ANKRD30B: variants seen among roughly 807,000 people sequenced by gnomAD.
The protein encoded by ANKRD30B is ankyrin repeat domain-containing protein 30B.
Under a neutral mutation model 202.2 loss-of-function variants are expected in ANKRD30B, and 144 were observed. The ratio of observed to expected loss-of-function variants is 0.71; its 90% confidence interval spans 0.62 to 0.82. The LOEUF (loss-of-function observed/expected upper bound fraction) is 0.82, where lower values mean the gene tolerates loss of function less well. Ranked by LOEUF, ANKRD30B falls within the 40% of genes least tolerant of loss-of-function variation. The probability of loss-of-function intolerance (pLI) is 0.00; values close to 1 mark genes in which losing one functional copy is unlikely to be tolerated. For synonymous variants in ANKRD30B, 508 were observed against 561.3 expected (o/e 0.91, Z 1.34); for missense variants, 1,487 against 1,669.1 (o/e 0.89, Z 1.90).
At position 14,810,691 on chromosome 18, in the gene ANKRD30B, C is replaced by T. The variant is rs1314756872; in HGVS notation, c.2488+511C>T. On this transcript the variant is annotated intron_variant, in intron 28 of 43. Coordinates refer to ENST00000690538, the MANE Select transcript of ANKRD30B (RefSeq NM_001367607.2). The stretch of plus-strand genomic sequence containing the variant: ...CACTACTTGATGACTCTTTGCTAGA[C>T]ACACTGTTTTAGAAGTGTGACTCTA... Among the ~76,000 whole-genome samples the T allele has an allele frequency of 3.9e-4, 59 of 151,124 alleles. 1 individual carries two copies. The highest frequency in any genetic ancestry group is 3.4e-3 in the Middle Eastern group (1 of 292).
At chr18:14,915,666 C>G in the ANKRD30B span, 1 of 151,856 alleles carries the variant, frequency 6.6e-6, no homozygotes, top group South Asian at 2.1e-4. Context: ...TCAAGTCACT[C>G]CTGAGACTCA....
chr18:14,823,722 C>T (rs1374530449), intron 32 of ANKRD30B, among the ~76,000 whole-genome samples: 1 of 152,094 alleles, frequency 6.6e-6, no homozygotes, highest in African/African-American at 2.4e-5. Context: ...GCCTGTAATC[C>T]TAGCATTTTG....
chr18:14,765,979 A>G (rs1916070056), intron 7 of ANKRD30B, among the ~76,000 whole-genome samples: 2 of 152,190 alleles, frequency 1.3e-5, no homozygotes. Flanking sequence ...TTAAGGGGCC[A>G]TGTCTAAGTA....
intron 30 of ANKRD30B, among the ~76,000 whole-genome samples, chr18:14,822,186 C>A (rs535820474): frequency 1.3e-5 from 2 of 149,660 alleles, no homozygotes; most frequent in Non-Finnish European, 3.0e-5. Flanking sequence ...CCTTATATGG[C>A]AGCTTACTCT....
the ANKRD30B span, among the ~76,000 whole-genome samples, chr18:14,914,849 T>C: frequency 1.3e-5 from 2 of 152,144 alleles, no homozygotes; most frequent in African/African-American, 4.8e-5. Flanking sequence ...AGGAGGCCAT[T>C]GGACATAGGG....
chr18:14,882,113 A>T, the ANKRD30B span, among the ~76,000 whole-genome samples: 1 of 152,094 alleles, frequency 6.6e-6, no homozygotes, highest in African/African-American at 2.4e-5. Flanking sequence ...AATTTCATTT[A>T]GTTCTGCTCT....
In ANKRD30B at chr18:14,852,100, G is replaced by C. The variant is rs1467579613; in HGVS notation, c.4156G>C (p.Asp1386His). ...ATTGGTTTCAGAACATGCACAAAGA[G>C]ACCGATGTGAAACACAGTGTCAAAT... ...NALVSEHAQR[D>H]RCETQCQMKK... is the part of the protein sequence containing the mutation. Residue 1386 changes from aspartate (D) to histidine (H), a missense_variant, in exon 42 of 44, where the codon GAC becomes CAC. Coordinates refer to ENST00000690538, the MANE Select transcript of ANKRD30B (RefSeq NM_001367607.2). 4 of 1,608,228 alleles carry C rather than the reference G, an allele frequency of 2.5e-6. No individual in the cohort carries two copies. In the African/African-American group the frequency reaches 4.0e-5, roughly 16 times the overall value.
the ANKRD30B span, among the ~76,000 whole-genome samples, chr18:14,935,412 C>T: frequency 1.3e-5 from 2 of 152,188 alleles, no homozygotes; most frequent in African/African-American, 2.4e-5. Context: ...TACTCCCTGG[C>T]CCTGAGAAGC....
chr18:14,911,549 C>G, the ANKRD30B span, among the ~76,000 whole-genome samples: 2 of 152,128 alleles, frequency 1.3e-5, no homozygotes, highest in Non-Finnish European at 2.9e-5. Context: ...AATTTGAAGT[C>G]AGGTAATGTG....
chr18:14,899,808 A>G, the ANKRD30B span, among the ~76,000 whole-genome samples: 2 of 152,146 alleles, frequency 1.3e-5, no homozygotes, highest in Non-Finnish European at 2.9e-5. Flanking sequence ...AATAACTTAT[A>G]TTTAACTCAT....
chr18:14,892,202 C>CT, the ANKRD30B span, among the ~76,000 whole-genome samples: 1 of 152,198 alleles, frequency 6.6e-6, no homozygotes, highest in African/African-American at 2.4e-5. Context: ...TGCTGATGCA[C>CT]AAGCTTAGAG....
chr18:14,907,955 A>G, the ANKRD30B span, among the ~76,000 whole-genome samples: 1 of 152,200 alleles, frequency 6.6e-6, no homozygotes, highest in Non-Finnish European at 1.5e-5. Flanking sequence ...AATTTGAGAT[A>G]CATTAACAGA....
At chr18:14,765,652 A>T (rs1406667657) in intron 7 of ANKRD30B, among the ~76,000 whole-genome samples, 1 of 152,198 alleles carries the variant, frequency 6.6e-6, no homozygotes, top group East Asian at 1.9e-4. Flanking sequence ...TGTGATACAC[A>T]GTTTGCTGGC....
the ANKRD30B span, among the ~76,000 whole-genome samples, chr18:14,862,446 G>T: frequency 1.3e-5 from 2 of 152,176 alleles, no homozygotes; most frequent in Non-Finnish European, 2.9e-5. Flanking sequence ...ACATTGCAAA[G>T]GATACCACTG....
chr18:14,820,573 G>A (rs1309826792), intron 30 of ANKRD30B, among the ~76,000 whole-genome samples: 1 of 147,706 alleles, frequency 6.8e-6, no homozygotes, highest in African/African-American at 2.7e-5. Context: ...TTAGCATGAA[G>A]GGTTGTTGAA....
the ANKRD30B span, among the ~76,000 whole-genome samples, chr18:14,878,192 G>A: frequency 0.52 from 79,540 of 151,916 alleles, 21,007 homozygotes; most frequent in African/African-American, 0.54. Context: ...AATGCACTCA[G>A]TGGATACTCT....
In ANKRD30B at chr18:14,785,404, TC is replaced by T. The variant is rs560623202; in HGVS notation, c.1672+871del. ...TTAAATATTAGGTTGTTTATAAAATTCCATTGTATGACAGTAGCATAGTTAA... is the reference window on the plus strand; with the variant it reads ...TTAAATATTAGGTTGTTTATAAAATTCATTGTATGACAGTAGCATAGTTAA... On this transcript the variant is annotated intron_variant, in intron 14 of 43. Coordinates refer to ENST00000690538, the MANE Select transcript of ANKRD30B (RefSeq NM_001367607.2). Among the ~76,000 whole-genome samples the T allele has an allele frequency of 5.3e-4, 80 of 152,326 alleles. No individual in the cohort carries two copies. The East Asian group carries it at 0.012, about 23-fold the overall frequency.
intron 4 of ANKRD30B, among the ~76,000 whole-genome samples, chr18:14,755,966 G>T (rs1914289226): frequency 6.6e-6 from 1 of 152,168 alleles, no homozygotes; most frequent in Non-Finnish European, 1.5e-5. Context: ...CTAGATCCCT[G>T]AGGAATCGCC....
At chr18:14,804,158 GT>G (rs1223704128) in intron 24 of ANKRD30B, among the ~76,000 whole-genome samples, 4 of 28,960 alleles carry the variant, frequency 1.4e-4, no homozygotes, top group African/African-American at 5.2e-4. Context: ...CAAGAGGCAG[GT>G]TTATATAATG....
Sources: allele counts gnomAD v4.1 joint callset (sites outside exome capture counted in the v4.1 genomes callset), GRCh38; gene constraint gnomAD v4.1.1; transcripts MANE v1.5; gene names NCBI Gene and HGNC (gene_info 2026-07-23, HGNC 2026-07-21).